Variants in EYA2 observed in about 807,000 individuals in gnomAD.
EYA2 encodes protein phosphatase EYA2.
In EYA2, 31 loss-of-function variants were observed where a neutral mutation model predicts 69.2. The ratio of observed to expected loss-of-function variants is 0.45; its 90% CI spans 0.34 to 0.60. EYA2 has a LOEUF of 0.60. EYA2 is among the 20% of genes least tolerant of loss of function. The probability of loss-of-function intolerance (pLI) is 0.02; values close to 1 mark genes in which losing one functional copy is unlikely to be tolerated. For missense variants in EYA2, 622 were observed against 701.2 expected (o/e 0.89, Z 1.28); for synonymous variants, 257 against 279.4 (o/e 0.92, Z 0.80).
intron 5 of EYA2, among the ~76,000 whole-genome samples, chr20:47,057,583 T>C (rs913231594): frequency 1.4e-4 from 21 of 151,938 alleles, no homozygotes; most frequent in African/African-American, 4.1e-4. Context: ...AATTTTATTT[T>C]CACATCAACA....
At chr20:47,174,685 A>G (rs1483600013) in intron 12 of EYA2, among the ~76,000 whole-genome samples, 4 of 152,238 alleles carry the variant, frequency 2.6e-5, no homozygotes, top group Non-Finnish European at 4.4e-5. Flanking sequence ...CACCGTTTTC[A>G]TGGACTAGCT....
At chr20:46,982,902 T>C (rs1980932395) in intron 1 of EYA2, among the ~76,000 whole-genome samples, 1 of 151,964 alleles carries the variant, frequency 6.6e-6, no homozygotes, top group Non-Finnish European at 1.5e-5. Context: ...GCCTGCCAAG[T>C]AGCTGAGATT....
intron 9 of EYA2, among the ~76,000 whole-genome samples, chr20:47,113,856 G>T (rs1434475652): frequency 6.8e-6 from 1 of 147,668 alleles, no homozygotes; most frequent in Admixed American, 6.7e-5. Flanking sequence ...TCCTAGATGG[G>T]TTTTTTTTTT....
At chr20:47,056,100 C>A (rs1488020864) in intron 5 of EYA2, among the ~76,000 whole-genome samples, 1 of 152,220 alleles carries the variant, frequency 6.6e-6, no homozygotes, top group African/African-American at 2.4e-5. Context: ...TTTATGCTAC[C>A]TGTGAATGAG....
intron 1 of EYA2, among the ~76,000 whole-genome samples, chr20:46,965,479 G>A (rs1364558713): frequency 6.6e-6 from 1 of 152,246 alleles, no homozygotes; most frequent in Non-Finnish European, 1.5e-5. Flanking sequence ...GCAAAGGTGG[G>A]GGGTTGGAGG....
intron 9 of EYA2, among the ~76,000 whole-genome samples, chr20:47,103,095 C>T (rs553321603): frequency 6.6e-6 from 1 of 152,118 alleles, no homozygotes; most frequent in African/African-American, 2.4e-5. Context: ...TTGTTAATAA[C>T]AATTTTATTG....
At chr20:47,004,183 G>C (rs1982548394) in intron 3 of EYA2, among the ~76,000 whole-genome samples, 2 of 152,154 alleles carry the variant, frequency 1.3e-5, no homozygotes. Context: ...GCATTTTTGG[G>C]GGAATATCTG....
intron 9 of EYA2, among the ~76,000 whole-genome samples, chr20:47,108,658 A>G (rs1355512563): frequency 6.6e-6 from 1 of 151,900 alleles, no homozygotes; most frequent in African/African-American, 2.4e-5. Flanking sequence ...TGCAACCTCA[A>G]CCTCCTGGGC....
intron 9 of EYA2, among the ~76,000 whole-genome samples, chr20:47,126,434 C>A (rs1194058266): frequency 6.6e-6 from 1 of 152,208 alleles, no homozygotes; most frequent in African/African-American, 2.4e-5. Context: ...TGTCCCAAGT[C>A]ACGTACCTTC....
intron 8 of EYA2, among the ~76,000 whole-genome samples, chr20:47,092,820 C>T (rs1291954843): frequency 6.6e-6 from 1 of 152,136 alleles, no homozygotes; most frequent in African/African-American, 2.4e-5. Context: ...TTGGGTCACA[C>T]CTCTTAAGTC....
intron 10 of EYA2, among the ~76,000 whole-genome samples, chr20:47,166,566 T>A (rs2034200582): frequency 6.6e-6 from 1 of 151,734 alleles, no homozygotes; most frequent in Non-Finnish European, 1.5e-5. Context: ...AAGCTCAGAG[T>A]CCCACGTGCT....
chr20:47,044,631 C>T (rs921955245), intron 5 of EYA2, among the ~76,000 whole-genome samples: 4 of 152,152 alleles, frequency 2.6e-5, no homozygotes, highest in Non-Finnish European at 4.4e-5. Flanking sequence ...TTTTGTAGAA[C>T]GCTGTTCATT....
At chr20:47,126,195 G>A (rs896419754) in intron 9 of EYA2, among the ~76,000 whole-genome samples, 1 of 152,192 alleles carries the variant, frequency 6.6e-6, no homozygotes, top group Non-Finnish European at 1.5e-5. Flanking sequence ...GAGGCCAAAC[G>A]CCTCCCCCGA....
Position 47,005,076 on chromosome 20 carries a change from C to G in EYA2, c.290C>G (p.Pro97Arg). Residue 97 changes from proline to arginine, a missense_variant, in exon 4 of 16, where the codon CCT becomes CGT. This residue lies in a region of EYA2 where 365 missense variants were observed against 349.7 expected (regional missense o/e 1.04). Transcript: ENST00000327619. ...YPPPAQAYGI[P>R]SYSIKTEDSL... ...CCTCCAGCACAAGCCTATGGAATCC[C>G]TTCCTACAGTGAGTAGTAAACAAGT... 1.9e-6 allele frequency: 3 copies of G among 1,613,616 alleles called. No homozygotes were observed. Among genetic ancestry groups the G allele is most frequent in the Non-Finnish European group, 2.5e-6 (3 of 1,179,736 alleles).
At chr20:47,076,524 G>A (rs947736569) in intron 7 of EYA2, among the ~76,000 whole-genome samples, 4 of 152,094 alleles carry the variant, frequency 2.6e-5, no homozygotes, top group African/African-American at 9.7e-5. Context: ...GTCTGTTCAT[G>A]TCCTTTGCCC....
chr20:46,899,784 C>T (rs1023211304), intron 1 of EYA2, among the ~76,000 whole-genome samples: 2 of 152,190 alleles, frequency 1.3e-5, no homozygotes, highest in Admixed American at 6.5e-5. Context: ...CTGAGAGACT[C>T]GTCTTTGGGA....
chr20:47,125,372 A>T (rs2033161464), intron 9 of EYA2, among the ~76,000 whole-genome samples: 1 of 152,048 alleles, frequency 6.6e-6, no homozygotes, highest in Non-Finnish European at 1.5e-5. Flanking sequence ...TCTTGTTAGT[A>T]CAGATAGACC....
At chr20:47,095,151 A>G (rs1294281146) in intron 8 of EYA2, among the ~76,000 whole-genome samples, 1 of 152,216 alleles carries the variant, frequency 6.6e-6, no homozygotes, top group Non-Finnish European at 1.5e-5. Flanking sequence ...AAGATCTTGC[A>G]TCCATAAAAT....
chr20:47,142,606 CTAGAGAGATTGT>C (rs1338411536), intron 9 of EYA2, among the ~76,000 whole-genome samples: 1 of 152,168 alleles, frequency 6.6e-6, no homozygotes, highest in Non-Finnish European at 1.5e-5. Context: ...GGCAGTGTGC[CTAGAGAGATTGT>C]TGGAGAGAGA....
Sources: allele counts gnomAD v4.1 joint callset (sites outside exome capture counted in the v4.1 genomes callset), GRCh38; gene constraint gnomAD v4.1.1; regional missense constraint gnomAD v4.1.1; transcripts MANE v1.5; gene names NCBI Gene and HGNC (gene_info 2026-07-23, HGNC 2026-07-21).